LRP3: variants seen among roughly 807,000 people sequenced by gnomAD.
LRP3 encodes the protein LDL receptor related protein 3.
In LRP3, 49 loss-of-function variants were observed where a neutral mutation model predicts 58.5. That is an observed-to-expected ratio of 0.84 (90% CI 0.67 to 1.06). The LOEUF is 1.06. Ranked by LOEUF, LRP3 falls within the 50% of genes least tolerant of loss-of-function variation. The pLI, the probability that LRP3 is intolerant of heterozygous loss-of-function variation, is 0.00. For synonymous variants in LRP3, 485 were observed against 492.2 expected (o/e 0.99, Z 0.20); for missense variants, 1,019 against 1,134.2 (o/e 0.90, Z 1.46).
intron 4 of LRP3, 196 bp downstream of exon 4, chr19:33,205,048 C>T (rs1974385287): frequency 1.3e-6 from 1 of 741,044 alleles, no homozygotes; most frequent in Non-Finnish European, 2.2e-6. Context: ...ACTGGCCCCA[C>T]TTCCCAGTCT....
chr19:33,201,408 C>CG (rs111760554), intron 2 of LRP3, among the ~76,000 whole-genome samples: 24 of 150,690 alleles, frequency 1.6e-4, no homozygotes, highest in African/African-American at 4.6e-4. Flanking sequence ...CGGAGAGGTC[C>CG]GGGGGGCTAG....
intron 6 of LRP3, 122 bp downstream of exon 6, chr19:33,206,855 G>A: frequency 7.9e-7 from 1 of 1,262,020 alleles, no homozygotes; most frequent in Non-Finnish European, 1.1e-6. Flanking sequence ...AGGGCCCATG[G>A]CCAGGTGGGG....
intron 1 of LRP3, among the ~76,000 whole-genome samples, chr19:33,196,081 T>C (rs1353495902): frequency 2.0e-5 from 3 of 152,094 alleles, no homozygotes; most frequent in Admixed American, 6.5e-5. Flanking sequence ...AGGTGGGTGC[T>C]TGAGGGGTGG....
At chr19:33,204,020 C>G (rs907574148) in intron 3 of LRP3, 8 of 152,686 alleles carry the variant, frequency 5.2e-5, no homozygotes, top group African/African-American at 1.7e-4. Flanking sequence ...AAGCGCAACC[C>G]CTGACTTACT....
At chr19:33,194,987 C>A in intron 1 of LRP3, 129 bp downstream of exon 1, 1 of 294,262 alleles carries the variant, frequency 3.4e-6, no homozygotes, top group South Asian at 1.4e-4. Context: ...CGCGGAGACC[C>A]AGAGAGGGGC....
intron 5 of LRP3, 40 bp from the exon 6 acceptor site, chr19:33,206,561 G>C: frequency 6.3e-7 from 1 of 1,596,134 alleles, no homozygotes; most frequent in Non-Finnish European, 8.5e-7. Flanking sequence ...TGCAGGTCCC[G>C]GGCAGCCCAG....
intron 2 of LRP3, among the ~76,000 whole-genome samples, chr19:33,199,154 C>T (rs148427566): frequency 6.6e-6 from 1 of 152,128 alleles, no homozygotes; most frequent in Admixed American, 6.5e-5. Context: ...CCCATTATCC[C>T]GCAAATCATG....
intron 5 of LRP3, 117 bp from the exon 6 acceptor site, chr19:33,206,484 A>G (rs1365023424): frequency 1.4e-5 from 23 of 1,592,808 alleles, no homozygotes; most frequent in Non-Finnish European, 2.0e-5. Context: ...CCTGGTGCAC[A>G]CTGGGGTCCC....
chr19:33,203,097 A>C lies in LRP3; in HGVS notation c.260+111A>C, dbSNP rs148614430. 1,852 of 1,317,440 alleles carry C rather than the reference A, an allele frequency of 1.4e-3. 20 individuals are homozygous for C. The highest frequency in any genetic ancestry group is 3.6e-3 in the Middle Eastern group (19 of 5,260). The allele number at this position is 1,317,440 out of a possible 1,614,324, so 81.6% of individuals were successfully genotyped here. On this transcript the variant is annotated intron_variant, in intron 3 of 6. Transcript: ENST00000253193. ...GGAGGGCACACGCCTGAGGGTGTAC[A>C]TGTGTGTGAGCAGGTGTGGGATCAT... is the stretch of plus-strand genomic sequence containing the variant.
In LRP3 at chr19:33,201,898, G is replaced by A. The variant is rs146153327; in HGVS notation, c.122-950G>A. The stretch of plus-strand genomic sequence containing the variant: ...GCATGGAGAATGGATGGATTAAAGC[G>A]AGGCCCATGGGGCTGGGCATGGAGG... On this transcript the variant is annotated intron_variant, in intron 2 of 6. Transcript: ENST00000253193. 4.5e-3 allele frequency among the ~76,000 whole-genome samples: 681 copies of A among 152,272 alleles called. 3 individuals carry two copies. The highest frequency in any genetic ancestry group is 0.016 in the African/African-American group (656 of 41,562).
rs1456691728 is a variant in LRP3, at chr19:33,205,934, C to A, written c.1164C>A (p.Asp388Glu). 11 of 1,597,956 alleles carry A rather than the reference C, an allele frequency of 6.9e-6. No individual in the cohort carries two copies. Among genetic ancestry groups the A allele is most frequent in the Non-Finnish European group, 8.5e-6 (10 of 1,172,308 alleles). The change falls in exon 5 of 7, where the codon GAC becomes GAA. Residue 388 changes from aspartate to glutamate, a missense_variant. Asp to Glu is a conservative substitution (Grantham distance 45). Coordinates refer to ENST00000253193, the MANE Select transcript of LRP3 (RefSeq NM_002333.4). The stretch of plus-strand genomic sequence containing the variant: ...ACAGTGACGGGGGCAGCCTGGGCGA[C>A]CAGGGCTGCTTCTCAGAGCCACAGC... Reference protein sequence around the residue: ...SSDSDGGSLGDQGCFSEPQRC... With the variant: ...SSDSDGGSLGEQGCFSEPQRC...
chr19:33,197,660 A>T (rs967781035), intron 2 of LRP3, among the ~76,000 whole-genome samples: 4 of 152,110 alleles, frequency 2.6e-5, no homozygotes, highest in African/African-American at 9.7e-5. Flanking sequence ...GTCAAGGTGC[A>T]GCCCGGGAGA....
intron 2 of LRP3, among the ~76,000 whole-genome samples, chr19:33,202,507 G>A (rs915156857): frequency 3.9e-5 from 6 of 152,204 alleles, no homozygotes; most frequent in African/African-American, 1.4e-4. Flanking sequence ...CCACTGACCC[G>A]AGGCCACGAG....
Position 33,207,047 on chromosome 19 carries a change from C to A in LRP3, c.1785C>A (p.Ser595=). Residue 595 remains serine (S), a synonymous_variant, in exon 7 of 7, where the codon TCC becomes TCA. Coordinates refer to ENST00000253193, the MANE Select transcript of LRP3 (RefSeq NM_002333.4). ...AMRRQMRRHA[S]RRGPSRRRLG... ...GGAGACAGATGCGTCGGCACGCCTC[C>A]CGCCGGGGGCCCTCCCGCCGCCGCC... 6.7e-7 allele frequency: 1 copy of A among 1,483,832 alleles called. No individual in the cohort carries two copies. The highest frequency in any genetic ancestry group is 2.5e-5 in the East Asian group (1 of 39,900). The allele number at this position is 1,483,832 out of a possible 1,614,324, so 91.9% of individuals were successfully genotyped here. A position where few individuals can be genotyped will look rare whatever the true frequency, so the allele number is the denominator to read the frequency against.
chr19:33,199,426 T>C (rs1355557146), intron 2 of LRP3, among the ~76,000 whole-genome samples: 1 of 149,296 alleles, frequency 6.7e-6, no homozygotes, highest in Non-Finnish European at 1.5e-5. Context: ...TGAGCTGTGA[T>C]CGCACCACTG....
chr19:33,198,621 C>T (rs1275376185), intron 2 of LRP3, among the ~76,000 whole-genome samples: 4 of 152,212 alleles, frequency 2.6e-5, no homozygotes, highest in African/African-American at 9.6e-5. Flanking sequence ...GAGGGTCTAG[C>T]AGGGCTACCT....
intron 2 of LRP3, among the ~76,000 whole-genome samples, chr19:33,201,753 G>A (rs1974343653): frequency 6.6e-6 from 1 of 152,198 alleles, no homozygotes; most frequent in South Asian, 2.1e-4. Context: ...AAGGGTCAGG[G>A]TGCTGTGGGG....
chr19:33,208,525 G>A lies in LRP3; in HGVS notation c.*950G>A. 3.0e-6 allele frequency: 1 copy of A among 333,598 alleles called. No homozygotes were observed. Among genetic ancestry groups the A allele is most frequent in the Non-Finnish European group, 5.7e-6 (1 of 175,310 alleles). 20.7% of individuals were successfully genotyped at this position (333,598 alleles called of 1,614,324 possible). ...CCATGGTAGGGAGCGCCTGTGTCAA[G>A]CAGCAAAGCCCCCTAATGTCAAGAG... On this transcript the variant is annotated 3_prime_UTR_variant, in exon 7 of 7. Transcript: ENST00000253193. The surrounding 1 kb of genome is among the most constrained non-coding windows in gnomAD (Gnocchi z 4.7).
Position 33,205,595 on chromosome 19 carries a change from C to T in LRP3, c.825C>T (p.Arg275=), listed in dbSNP as rs146896886. The part of the protein sequence containing the change: ...FASPDLFGAA[R]GPSDLHCTWL... ...CCCCAGACCTGTTCGGCGCCGCTCG[C>T]GGGCCCTCAGACCTTCACTGCACGT... The change falls in exon 5 of 7, where the codon CGC becomes CGT. Residue 275 remains arginine (R), a synonymous_variant. Coordinates refer to ENST00000253193, the MANE Select transcript of LRP3 (RefSeq NM_002333.4). 4.0e-4 allele frequency: 642 copies of T among 1,610,466 alleles called. No individual in the cohort carries two copies. In the African/African-American group the frequency reaches 7.7e-3, roughly 19 times the overall value.
Sources: allele counts gnomAD v4.1 joint callset (sites outside exome capture counted in the v4.1 genomes callset), GRCh38; gene constraint gnomAD v4.1.1; non-coding constraint Gnocchi (gnomAD v3.1); transcripts MANE v1.5; gene names NCBI Gene and HGNC (gene_info 2026-07-23, HGNC 2026-07-21).